CATSPERD: variants seen among roughly 807,000 people sequenced by gnomAD.
The protein encoded by CATSPERD is catsper channel auxiliary subunit delta.
In CATSPERD, 86 loss-of-function variants were observed where a neutral mutation model predicts 98.1. The ratio of observed to expected loss-of-function variants is 0.88; its 90% CI spans 0.74 to 1.05. The LOEUF (loss-of-function observed/expected upper bound fraction) is 1.05. Among genes scored for constraint, CATSPERD ranks in the 50% least tolerant of loss-of-function variants. The probability of loss-of-function intolerance (pLI) is 0.00; values close to 1 mark genes in which losing one functional copy is unlikely to be tolerated. For synonymous variants in CATSPERD, 394 were observed against 390.2 expected (o/e 1.01, Z -0.12); for missense variants, 995 against 1,005.7 (o/e 0.99, Z 0.14).
chr19:5,731,567 T>G (rs981847582), intron 4 of CATSPERD, among the ~76,000 whole-genome samples: 2 of 111,950 alleles, frequency 1.8e-5, no homozygotes, highest in Non-Finnish European at 3.7e-5. Context: ...ACAGTTTTTT[T>G]TTTTTTTTTT....
At chr19:5,772,315 C>CAG (rs2056663924) in intron 19 of CATSPERD, 2 of 235,932 alleles carry the variant, frequency 8.5e-6, no homozygotes, top group Non-Finnish European at 1.7e-5. Context: ...GCAAGCTCTG[C>CAG]CTCCCGGGTT....
intron 10 of CATSPERD, among the ~76,000 whole-genome samples, chr19:5,748,880 C>T (rs1450652072): frequency 6.6e-6 from 1 of 151,314 alleles, no homozygotes; most frequent in Non-Finnish European, 1.5e-5. Context: ...AGGCGCGCAC[C>T]ACCATGCCCG....
At chr19:5,772,214 ATTTTTTTTTTTTTTT>A (rs35847357) in intron 19 of CATSPERD, 162 of 154,370 alleles carry the variant, frequency 1.0e-3, no homozygotes, top group Middle Eastern at 5.6e-3. Flanking sequence ...TGCCCGGTTA[ATTTTTTTTTTTTTTT>A]TTTTTTTTTT....
chr19:5,775,084 C>T (rs2056716475), intron 20 of CATSPERD, among the ~76,000 whole-genome samples: 1 of 152,200 alleles, frequency 6.6e-6, no homozygotes, highest in South Asian at 2.1e-4. Flanking sequence ...CCAGCCTCCA[C>T]AGCCCAGGAA....
chr19:5,727,673 C>T (rs1050526592), intron 3 of CATSPERD, among the ~76,000 whole-genome samples: 2 of 152,084 alleles, frequency 1.3e-5, no homozygotes, highest in African/African-American at 4.8e-5. Flanking sequence ...AATAGGAGTT[C>T]ACTGGGATGG....
intron 16 of CATSPERD, among the ~76,000 whole-genome samples, chr19:5,764,254 A>G (rs2056497964): frequency 6.9e-6 from 1 of 143,936 alleles, no homozygotes; most frequent in Non-Finnish European, 1.5e-5. Context: ...TTTTTAAGAT[A>G]TGAATCTTGC....
chr19:5,748,728 C>T (rs996926908), intron 10 of CATSPERD, among the ~76,000 whole-genome samples: 124 of 94,016 alleles, frequency 1.3e-3, no homozygotes, highest in African/African-American at 1.7e-3. Context: ...TCATATTATT[C>T]TTTTTTTTTT....
intron 15 of CATSPERD, 63 bp downstream of exon 15, chr19:5,759,207 G>A (rs1411911075): frequency 1.4e-5 from 21 of 1,470,900 alleles, no homozygotes; most frequent in East Asian, 2.3e-5. Context: ...TAGCAGGAGC[G>A]AAGAGAAGCA....
intron 1 of CATSPERD, among the ~76,000 whole-genome samples, chr19:5,723,458 A>ATTTTT (rs773822808): frequency 9.9e-5 from 9 of 90,922 alleles, no homozygotes; most frequent in Non-Finnish European, 1.6e-4. Flanking sequence ...TGCCCAGCTA[A>ATTTTT]TTTTTTTTTT....
In CATSPERD at chr19:5,778,573, G is replaced by C. The variant is rs758430053; in HGVS notation, c.2294G>C (p.Arg765Thr). Residue 765 changes from arginine (R) to threonine (T), a missense_variant, in exon 22 of 22, where the codon AGA becomes ACA. Coordinates refer to ENST00000381624, the MANE Select transcript of CATSPERD (RefSeq NM_152784.4). ...AAGTGTGCGACACAGCTGTGTAGGA[G>C]ATGCAAGACGGTCTGCCAGTTCAGG... ...IKKCATQLCR[R>T]CKTVCQFRAS... 1 of 1,613,870 alleles carries C rather than the reference G, an allele frequency of 6.2e-7. No individual in the cohort carries two copies. The highest frequency in any genetic ancestry group is 8.5e-7 in the Non-Finnish European group (1 of 1,180,038).
intron 15 of CATSPERD, among the ~76,000 whole-genome samples, chr19:5,761,422 TGG>T (rs753776507): frequency 2.2e-4 from 4 of 17,818 alleles, no homozygotes; most frequent in Admixed American, 6.4e-4. Context: ...AATTAATGGA[TGG>T]ATGGATGGAT....
intron 2 of CATSPERD, among the ~76,000 whole-genome samples, chr19:5,726,305 C>G (rs1222686016): frequency 6.6e-6 from 1 of 152,118 alleles, no homozygotes. Context: ...ACCTCATGAT[C>G]TGCCCACCTC....
chr19:5,744,377 CAT>C (rs1210816727), intron 7 of CATSPERD, 48 bp from the exon 8 acceptor site: 3 of 1,441,102 alleles, frequency 2.1e-6, no homozygotes, highest in South Asian at 2.3e-5. Flanking sequence ...CCGACAAACA[CAT>C]GTGTATTAAG....
At chr19:5,755,601 C>A (rs138604782) in intron 13 of CATSPERD, among the ~76,000 whole-genome samples, 1 of 151,834 alleles carries the variant, frequency 6.6e-6, no homozygotes, top group African/African-American at 2.4e-5. Context: ...GAGACTCCAT[C>A]TGTACAAAAA....
At chr19:5,751,850 A>G in intron 12 of CATSPERD, 27 bp downstream of exon 12, 3 of 1,580,272 alleles carry the variant, frequency 1.9e-6, no homozygotes. Context: ...GTTTTGATCA[A>G]TGTTCAATGT....
At chr19:5,729,069 C>T (rs1451943027) in intron 3 of CATSPERD, among the ~76,000 whole-genome samples, 1 of 151,468 alleles carries the variant, frequency 6.6e-6, no homozygotes, top group Non-Finnish European at 1.5e-5. Context: ...GCAACAAAAA[C>T]TTTAAAAGGA....
At chr19:5,750,432 CT>C (rs1315843272) in intron 11 of CATSPERD, among the ~76,000 whole-genome samples, 22 of 110,654 alleles carry the variant, frequency 2.0e-4, no homozygotes, top group African/African-American at 7.4e-4. Context: ...GCCTGGGTGA[CT>C]GAGCGAGACT....
At chr19:5,769,329 G>T (rs115477493) in intron 18 of CATSPERD, among the ~76,000 whole-genome samples, 2,103 of 151,068 alleles carry the variant, frequency 0.014, 66 homozygotes, top group African/African-American at 0.049. Flanking sequence ...GTGGTGGGAT[G>T]GGGGGAGGAG....
intron 3 of CATSPERD, among the ~76,000 whole-genome samples, chr19:5,727,880 A>G (rs2055635442): frequency 6.6e-6 from 1 of 151,922 alleles, no homozygotes; most frequent in South Asian, 2.1e-4. Flanking sequence ...TCAAGACATC[A>G]GTCTGGCAGC....
Sources: allele counts gnomAD v4.1 joint callset (sites outside exome capture counted in the v4.1 genomes callset), GRCh38; gene constraint gnomAD v4.1.1; transcripts MANE v1.5; gene names NCBI Gene and HGNC (gene_info 2026-07-23, HGNC 2026-07-21).